The following ZBTB16 variants were observed in gnomAD, a reference collection of about 807,000 sequenced individuals.
The protein encoded by ZBTB16 is zinc finger and BTB domain-containing protein 16.
ZBTB16 carries 8 observed loss-of-function variants against 56.8 expected under a neutral mutation model. That is an observed-to-expected ratio of 0.14 (90% CI 0.08 to 0.25). The LOEUF (loss-of-function observed/expected upper bound fraction) is 0.25. ZBTB16 is among the 10% of genes least tolerant of loss of function. The pLI is 1.00. For missense variants in ZBTB16, 625 were observed against 903.0 expected (o/e 0.69, Z 3.95); for synonymous variants, 363 against 368.5 (o/e 0.98, Z 0.17).
intron 2 of ZBTB16, among the ~76,000 whole-genome samples, chr11:114,065,515 A>G (rs575673683): frequency 2.0e-5 from 3 of 152,216 alleles, no homozygotes; most frequent in African/African-American, 7.2e-5. Flanking sequence ...ATCCCGGGTT[A>G]AGGTGATTCT....
intron 4 of ZBTB16, among the ~76,000 whole-genome samples, chr11:114,206,570 G>C (rs1398063706): frequency 6.6e-6 from 1 of 152,228 alleles, no homozygotes; most frequent in Non-Finnish European, 1.5e-5. Flanking sequence ...CCCATAGCAA[G>C]CCTGATGCTG....
chr11:114,225,867 G>A (rs1944318917), intron 4 of ZBTB16, among the ~76,000 whole-genome samples: 1 of 152,220 alleles, frequency 6.6e-6, no homozygotes, highest in Non-Finnish European at 1.5e-5. Flanking sequence ...CACTGTGATA[G>A]ACATTGTTCA....
At chr11:114,099,215 C>T (rs1217552658) in intron 2 of ZBTB16, among the ~76,000 whole-genome samples, 6 of 152,110 alleles carry the variant, frequency 3.9e-5, no homozygotes. Context: ...AGAGGTGCTA[C>T]AACAGATATT....
intron 2 of ZBTB16, among the ~76,000 whole-genome samples, chr11:114,086,249 G>A (rs1049658229): frequency 1.3e-5 from 2 of 152,154 alleles, no homozygotes; most frequent in Admixed American, 6.5e-5. Flanking sequence ...GATTTGGAAC[G>A]GAAGTGCTTT....
chr11:114,103,578 A>C (rs922754424), intron 2 of ZBTB16, among the ~76,000 whole-genome samples: 5 of 151,230 alleles, frequency 3.3e-5, no homozygotes, highest in Admixed American at 2.0e-4. Flanking sequence ...TCCAAAGAGT[A>C]GGCCCCTATC....
chr11:114,107,613 C>T (rs952073166), intron 2 of ZBTB16, among the ~76,000 whole-genome samples: 1 of 152,142 alleles, frequency 6.6e-6, no homozygotes, highest in African/African-American at 2.4e-5. Context: ...CTGTGAGAAG[C>T]GACTAAAAGA....
chr11:114,064,738 A>G lies in ZBTB16; in HGVS notation c.1268+170A>G, dbSNP rs956926817. ...TGGCGGGGAGGGGAGCAGGTTTTTTAAAGTGTAGTGAGGGGGCCTAGGATC... is the reference window on the plus strand; with the variant it reads ...TGGCGGGGAGGGGAGCAGGTTTTTTGAAGTGTAGTGAGGGGGCCTAGGATC... On this transcript the variant is annotated intron_variant, in intron 2 of 6. Transcript: ENST00000335953. This position sits in a 1 kb window ranked among gnomAD's most constrained non-coding sequence, Gnocchi z 4.2. Among the ~76,000 whole-genome samples, 1 of 152,152 alleles carries G rather than the reference A, an allele frequency of 6.6e-6. No individual in the cohort carries two copies. Among genetic ancestry groups the G allele is most frequent in the Non-Finnish European group, 1.5e-5 (1 of 68,014 alleles).
intron 6 of ZBTB16, among the ~76,000 whole-genome samples, chr11:114,248,874 A>G (rs1390966202): frequency 6.6e-6 from 1 of 152,138 alleles, no homozygotes; most frequent in Non-Finnish European, 1.5e-5. Flanking sequence ...GACTATTGTA[A>G]ATAGCTGGTC....
At chr11:114,065,127 C>T (rs1324175057) in intron 2 of ZBTB16, among the ~76,000 whole-genome samples, 1 of 152,162 alleles carries the variant, frequency 6.6e-6, no homozygotes, top group Admixed American at 6.5e-5. Context: ...CTCTGTCTCC[C>T]TTCTCATTCT....
In ZBTB16 at chr11:114,187,006, A is replaced by G. The variant is rs750247832; in HGVS notation, c.1421A>G (p.Asp474Gly). Reference sequence around the variant, plus strand: ...TGCGGTGCACAGTTTTCGAAGGAGGATGCCCTGGAGACACACAGGCAGACC... The same window carrying G: ...TGCGGTGCACAGTTTTCGAAGGAGGGTGCCCTGGAGACACACAGGCAGACC... ...DQCGAQFSKE[D>G]ALETHRQTHT... Residue 474 changes from aspartate to glycine, a missense_variant, in exon 4 of 7, where the codon GAT (aspartate) becomes GGT (glycine). Physicochemically the swap from Asp to Gly is moderately conservative, Grantham distance 94. This residue lies in a region of ZBTB16 where 140 missense variants were observed against 214.8 expected (regional missense o/e 0.65). Transcript: ENST00000335953. 6.2e-7 allele frequency: 1 copy of G among 1,614,088 alleles called. No homozygotes were observed.
At position 114,064,747 on chromosome 11, in the gene ZBTB16, T is replaced by C. The variant is rs7102572; in HGVS notation, c.1268+179T>C. On this transcript the variant is annotated intron_variant, in intron 2 of 6. Transcript: ENST00000335953. The surrounding 1 kb of genome is among the most constrained non-coding windows in gnomAD (Gnocchi z 4.2). ...GGGGAGCAGGTTTTTTAAAGTGTAGTGAGGGGGCCTAGGATCTTTCCAAAA... is the reference window on the plus strand; with the variant it reads ...GGGGAGCAGGTTTTTTAAAGTGTAGCGAGGGGGCCTAGGATCTTTCCAAAA... 0.049 allele frequency among the ~76,000 whole-genome samples: 7,476 copies of C among 152,216 alleles called. 598 individuals carry two copies. The highest frequency in any genetic ancestry group is 0.17 in the African/African-American group (7,059 of 41,498).
chr11:114,207,959 G>A (rs115119002), intron 4 of ZBTB16, among the ~76,000 whole-genome samples: 9 of 152,148 alleles, frequency 5.9e-5, no homozygotes, highest in African/African-American at 9.7e-5. Flanking sequence ...CTGTTGGCCC[G>A]GCTTGTCCCG....
rs1404986982 is a variant in ZBTB16, at chr11:114,155,950, G to A, written c.1269-387G>A. Among the ~76,000 whole-genome samples the A allele has an allele frequency of 3.3e-5, 5 of 152,202 alleles. No individual in the cohort carries two copies. The South Asian group carries it at 8.3e-4, about 25-fold the overall frequency. ...CGTTCACAGTCACCACCCGGGAAAG[G>A]CAGTGCTACACAGAGGTGAGCAGAG... On this transcript the variant is annotated intron_variant, in intron 2 of 6. Coordinates refer to ENST00000335953, the MANE Select transcript of ZBTB16 (RefSeq NM_006006.6).
At chr11:114,084,708 G>A (rs557400486) in intron 2 of ZBTB16, among the ~76,000 whole-genome samples, 6 of 152,194 alleles carry the variant, frequency 3.9e-5, no homozygotes, top group East Asian at 1.9e-4. Flanking sequence ...CCTTCTCCAC[G>A]TGGGGCCTCA....
In ZBTB16 at chr11:114,064,246, C is replaced by A; in HGVS notation, c.946C>A (p.Pro316Thr). The A allele has an allele frequency of 6.2e-7, 1 of 1,614,010 alleles. No homozygotes were observed. Among genetic ancestry groups the A allele is most frequent in the South Asian group, 1.1e-5 (1 of 91,084 alleles). ...VPPPAEAGQA[P>T]TGRPEHPAPP... ...ACCCCCAGCTGAGGCTGGCCAGGCC[C>A]CCACTGGCCGACCTGAGCACCCAGC... The change falls in exon 2 of 7, where the codon CCC (proline) becomes ACC (threonine). Residue 316 changes from proline (P) to threonine (T), a missense_variant. Coordinates refer to ENST00000335953, the MANE Select transcript of ZBTB16 (RefSeq NM_006006.6). This position sits in a 1 kb window ranked among gnomAD's most constrained non-coding sequence, Gnocchi z 4.2.
intron 3 of ZBTB16, among the ~76,000 whole-genome samples, chr11:114,163,164 C>G (rs867799726): frequency 1.3e-5 from 2 of 151,890 alleles, no homozygotes; most frequent in African/African-American, 4.8e-5. Context: ...CTTTCCTCTC[C>G]CCTTTTACTC....
intron 2 of ZBTB16, among the ~76,000 whole-genome samples, chr11:114,110,263 A>G (rs1334436086): frequency 6.6e-6 from 1 of 152,184 alleles, no homozygotes; most frequent in Non-Finnish European, 1.5e-5. Flanking sequence ...CCCTACGGTC[A>G]AAGATCAGTC....
chr11:114,165,311 G>C (rs1483405665), intron 3 of ZBTB16, among the ~76,000 whole-genome samples: 1 of 152,190 alleles, frequency 6.6e-6, no homozygotes, highest in African/African-American at 2.4e-5. Flanking sequence ...GCTTTTCCCA[G>C]GTCCCTGGAT....
chr11:114,209,648 A>T (rs1292532831), intron 4 of ZBTB16: 20 of 985,312 alleles, frequency 2.0e-5, no homozygotes, highest in Non-Finnish European at 2.4e-5. Flanking sequence ...TATTCCCCCA[A>T]CCAGGGTTAA....
Sources: gnomAD v4.1 joint callset for allele counts (sites outside exome capture counted in the v4.1 genomes callset) on GRCh38, gnomAD v4.1.1 for gene constraint, gnomAD v4.1.1 regional missense constraint, Gnocchi (gnomAD v3.1) non-coding constraint, MANE v1.5 for transcripts, NCBI Gene and HGNC (gene_info 2026-07-23, HGNC 2026-07-21) for gene names.